Variants in RGL1 observed in about 807,000 individuals in gnomAD.
The protein encoded by RGL1 is ral guanine nucleotide dissociation stimulator like 1.
A neutral mutation model predicts 95.2 loss-of-function variants in RGL1; 24 were observed. The observed-to-expected ratio is 0.25, with a 90% CI of 0.18 to 0.35. The LOEUF (loss-of-function observed/expected upper bound fraction) is 0.35. RGL1 is among the 10% of genes least tolerant of loss of function. The pLI is 1.00. For missense variants in RGL1, 715 were observed against 936.3 expected (o/e 0.76, Z 3.08); for synonymous variants, 329 against 344.9 (o/e 0.95, Z 0.51).
At position 183,662,907 on chromosome 1, in the gene RGL1, G is replaced by A. The variant is rs12046360; in HGVS notation, c.-33+26406G>A. Reference sequence around the variant, plus strand: ...GAACAGAGCCCTCACAAATAACGCCGCATATCTACAACTATCTGATCTTTG... The same window carrying A: ...GAACAGAGCCCTCACAAATAACGCCACATATCTACAACTATCTGATCTTTG... On this transcript the variant is annotated intron_variant, in intron 1 of 18. Coordinates refer to the RGL1 transcript ENST00000304685. Among the ~76,000 whole-genome samples, 36 of 151,628 alleles carry A rather than the reference G, an allele frequency of 2.4e-4. 2 individuals carry two copies. Among genetic ancestry groups the A allele is most frequent in the Middle Eastern group, 6.8e-3 (2 of 294 alleles).
chr1:183,818,321 C>T (rs1005845902), intron 2 of RGL1, among the ~76,000 whole-genome samples: 9 of 152,130 alleles, frequency 5.9e-5, no homozygotes, highest in African/African-American at 9.7e-5. Context: ...GTAGAGAATC[C>T]GGAGTTTTTG....
intron 2 of RGL1, among the ~76,000 whole-genome samples, chr1:183,787,920 G>A (rs781562015): frequency 4.4e-4 from 67 of 152,074 alleles, no homozygotes; most frequent in Non-Finnish European, 7.5e-4. Context: ...TCCACTATGA[G>A]TGGAAGTAGC....
intron 1 of RGL1, chr1:183,648,673 T>A: frequency 6.2e-7 from 1 of 1,614,210 alleles, no homozygotes. Context: ...TCTTCACCTG[T>A]TCGAATATGG....
At chr1:183,645,868 ATCT>A (rs1558130471) in intron 1 of RGL1, among the ~76,000 whole-genome samples, 1 of 152,224 alleles carries the variant, frequency 6.6e-6, no homozygotes, top group Non-Finnish European at 1.5e-5. Flanking sequence ...CCTGTGAGTA[ATCT>A]TCTTTGTAGC....
chr1:183,751,281 A>G (rs965485676), intron 2 of RGL1, among the ~76,000 whole-genome samples: 1 of 152,150 alleles, frequency 6.6e-6, no homozygotes, highest in Non-Finnish European at 1.5e-5. Context: ...GAATCTGGAG[A>G]GGCAGTCTGG....
chr1:183,803,574 C>A (rs977917482), upstream of RGL1, among the ~76,000 whole-genome samples: 1 of 152,148 alleles, frequency 6.6e-6, no homozygotes, highest in South Asian at 2.1e-4. Context: ...GAATTTAAGC[C>A]GCCCTGTCCA....
intron 2 of RGL1, among the ~76,000 whole-genome samples, chr1:183,829,417 G>C (rs925502564): frequency 6.6e-6 from 1 of 150,818 alleles, no homozygotes; most frequent in African/African-American, 2.4e-5. Context: ...CTCCAGCCTA[G>C]GCGACAGAAC....
intron 1 of RGL1, among the ~76,000 whole-genome samples, chr1:183,730,441 G>T (rs977104833): frequency 6.6e-6 from 1 of 152,130 alleles, no homozygotes; most frequent in Non-Finnish European, 1.5e-5. Flanking sequence ...CTGAGATAAT[G>T]GAGTGAGTGT....
chr1:183,772,169 C>A (rs565746637), intron 2 of RGL1, among the ~76,000 whole-genome samples: 1 of 152,326 alleles, frequency 6.6e-6, no homozygotes, highest in African/African-American at 2.4e-5. Flanking sequence ...AAGGCAGGAA[C>A]CTGGGATACA....
intron 1 of RGL1, chr1:183,710,231 G>T: frequency 5.5e-6 from 1 of 181,318 alleles, no homozygotes; most frequent in Non-Finnish European, 1.2e-5. Flanking sequence ...CCAGTGCTGT[G>T]GGAGCTCATT....
chr1:183,845,797 A>G (rs1307310508), intron 2 of RGL1, among the ~76,000 whole-genome samples: 1 of 152,224 alleles, frequency 6.6e-6, no homozygotes, highest in African/African-American at 2.4e-5. Flanking sequence ...TTTTCAAGCT[A>G]TCAACATGAT....
At chr1:183,733,259 G>T (rs1205373092) in intron 1 of RGL1, among the ~76,000 whole-genome samples, 1 of 152,086 alleles carries the variant, frequency 6.6e-6, no homozygotes, top group Non-Finnish European at 1.5e-5. Flanking sequence ...TGAATTTACT[G>T]ATAAAAATGT....
intron 2 of RGL1, among the ~76,000 whole-genome samples, chr1:183,797,575 T>A (rs916203614): frequency 6.6e-6 from 1 of 152,214 alleles, no homozygotes; most frequent in African/African-American, 2.4e-5. Context: ...TTTTCACTCA[T>A]ACCTTATAGT....
intron 1 of RGL1, among the ~76,000 whole-genome samples, chr1:183,680,001 C>G (rs1227582431): frequency 6.6e-6 from 1 of 151,828 alleles, no homozygotes; most frequent in East Asian, 1.9e-4. Flanking sequence ...GTTTGTTGGC[C>G]GCATAAATGT....
At chr1:183,803,778 C>T (rs866660092), upstream of RGL1, among the ~76,000 whole-genome samples, 28 of 152,234 alleles carry the variant, frequency 1.8e-4, no homozygotes, top group African/African-American at 5.3e-4. Context: ...TAGAGGTGGG[C>T]CTGGGTTCCT....
intron 1 of RGL1, among the ~76,000 whole-genome samples, chr1:183,717,758 A>C (rs937638006): frequency 6.6e-6 from 1 of 152,184 alleles, no homozygotes. Context: ...AAATTAGCAA[A>C]AGTGCAAGAT....
intron 3 of RGL1, among the ~76,000 whole-genome samples, chr1:183,865,759 GA>G (rs1025584543): frequency 2.6e-5 from 4 of 152,228 alleles, no homozygotes; most frequent in Admixed American, 2.6e-4. Flanking sequence ...TTAATATTAA[GA>G]GAAAGTTTTA....
chr1:183,766,792 AT>A (rs775470958), intron 2 of RGL1, among the ~76,000 whole-genome samples: 354 of 147,970 alleles, frequency 2.4e-3, no homozygotes, highest in South Asian at 4.1e-3. Context: ...GTGCTCTATC[AT>A]TTTTTTTTTT....
chr1:183,795,242 C>T (rs183873400), intron 2 of RGL1, among the ~76,000 whole-genome samples: 15 of 152,282 alleles, frequency 9.9e-5, no homozygotes, highest in Admixed American at 9.8e-4. Context: ...GTGCTAGGCA[C>T]AGTGTGAGGT....
Sources: gnomAD v4.1 joint callset for allele counts (sites outside exome capture counted in the v4.1 genomes callset) on GRCh38, gnomAD v4.1.1 for gene constraint, MANE v1.5 for transcripts, NCBI Gene and HGNC (gene_info 2026-07-23, HGNC 2026-07-21) for gene names.